The following ARHGEF12 variants were observed in gnomAD, a reference collection of about 807,000 sequenced individuals.
The protein encoded by ARHGEF12 is KMT2A/ARHGEF12 fusion protein.
A neutral mutation model predicts 211.2 loss-of-function variants in ARHGEF12; 66 were observed. The observed-to-expected ratio is 0.31, with a 90% confidence interval of 0.26 to 0.38. The LOEUF is 0.38. Among genes scored for constraint, ARHGEF12 ranks in the 10% least tolerant of loss-of-function variants. ARHGEF12 has a pLI of 1.00. For missense variants in ARHGEF12, 1,429 were observed against 1,869.5 expected, an observed-to-expected ratio of 0.76 and a Z score of 4.34; for synonymous variants, 592 against 638.4, an observed-to-expected ratio of 0.93 and a Z score of 1.09.
At chr11:120,375,550 C>CT (rs751429193) in intron 1 of ARHGEF12, among the ~76,000 whole-genome samples, 2,358 of 136,782 alleles carry the variant, frequency 0.017, 61 homozygotes, top group African/African-American at 0.051. Context: ...ATGGGGTGGC[C>CT]TTTTTTTTTT....
intron 1 of ARHGEF12, among the ~76,000 whole-genome samples, chr11:120,347,266 CTGTCTGTGTGTGTGTGTGTGTG>C (rs1942794972): frequency 7.5e-6 from 1 of 133,502 alleles, no homozygotes; most frequent in Non-Finnish European, 1.6e-5. Flanking sequence ...CTCTCTCTCT[CTGTCTGTGTGTGTGTGTGTGTG>C]TGTGTGTGTG....
At chr11:120,407,151 A>G (rs1379390087) in intron 2 of ARHGEF12, among the ~76,000 whole-genome samples, 1 of 152,198 alleles carries the variant, frequency 6.6e-6, no homozygotes, top group African/African-American at 2.4e-5. Flanking sequence ...TATTATTGTT[A>G]TGGTCTTGTC....
chr11:120,452,646 G>A (rs959548519), intron 22 of ARHGEF12, among the ~76,000 whole-genome samples: 2 of 152,184 alleles, frequency 1.3e-5, no homozygotes, highest in African/African-American at 2.4e-5. Flanking sequence ...GATATGAGGA[G>A]GAAGAGAATG....
intron 27 of ARHGEF12, among the ~76,000 whole-genome samples, chr11:120,461,000 G>T (rs1366604357): frequency 6.6e-6 from 1 of 152,176 alleles, no homozygotes; most frequent in Non-Finnish European, 1.5e-5. Flanking sequence ...CACACCTTCA[G>T]GCTCCACTGT....
chr11:120,456,858 T>C (rs1946378360), intron 22 of ARHGEF12, among the ~76,000 whole-genome samples: 1 of 152,070 alleles, frequency 6.6e-6, no homozygotes, highest in African/African-American at 2.4e-5. Context: ...GCCAGGTGTG[T>C]GTGGTGGCAC....
intron 25 of ARHGEF12, 171 bp from the exon 26 acceptor site, chr11:120,459,003 A>T: frequency 4.0e-6 from 2 of 495,936 alleles, no homozygotes; most frequent in East Asian, 7.3e-5. Flanking sequence ...CAGAGCCAGT[A>T]TGTAGGAAAA....
Position 120,393,691 on chromosome 11 carries a change from A to G in ARHGEF12, c.33-12427A>G, listed in dbSNP as rs76151135. Among the ~76,000 whole-genome samples, 26 of 152,342 alleles carry G rather than the reference A, an allele frequency of 1.7e-4. No individual in the cohort carries two copies. In the East Asian group the frequency reaches 4.8e-3, roughly 28 times the overall value. ...ATGTAACAAAAGCTGACATAACTGA[A>G]AGGACAAATAGACAAATCTACAAAC... On this transcript the variant is annotated intron_variant, in intron 1 of 40. Transcript: ENST00000397843.
chr11:120,337,149 G>C lies in ARHGEF12; in HGVS notation c.-95G>C. 1 of 1,460,878 alleles carries C rather than the reference G, an allele frequency of 6.8e-7. No individual in the cohort carries two copies. 90.5% of individuals were successfully genotyped at this position (1,460,878 alleles called of 1,614,324 possible). ...GAGTTGGACTTTTGTGTCCCTGACG[G>C]AGTTGGGCCTGATCCCAGAGCACTG... On this transcript the variant is annotated 5_prime_UTR_variant, in exon 1 of 41. Transcript: ENST00000397843.
At chr11:120,350,773 G>T (rs922446150) in intron 1 of ARHGEF12, among the ~76,000 whole-genome samples, 1 of 152,182 alleles carries the variant, frequency 6.6e-6, no homozygotes, top group African/African-American at 2.4e-5. Context: ...AACAGAGGAA[G>T]TAACATTTTA....
rs1312808392 is a variant in ARHGEF12 at position 120,338,037 on chromosome 11, T to C, written c.32+762T>C. 2.6e-5 allele frequency among the ~76,000 whole-genome samples: 4 copies of C among 152,222 alleles called. No individual in the cohort carries two copies. The East Asian group carries it at 7.7e-4, about 29-fold the overall frequency. ...CCTACCAGTGTTGCATGGTGGTGGG[T>C]GGCGAATTGAGCTAGACCATGTGTG... On this transcript the variant is annotated intron_variant, in intron 1 of 40. Transcript: ENST00000397843.
chr11:120,457,412 T>G (rs1000019660), intron 23 of ARHGEF12, 162 bp downstream of exon 23: 5 of 823,790 alleles, frequency 6.1e-6, no homozygotes, highest in African/African-American at 5.3e-5. Flanking sequence ...ATCAATCACT[T>G]AAACTCAGGA....
intron 8 of ARHGEF12, 29 bp downstream of exon 8, chr11:120,428,276 T>G: frequency 6.5e-7 from 1 of 1,542,356 alleles, no homozygotes; most frequent in Non-Finnish European, 8.8e-7. Context: ...CTTAGTTAAA[T>G]GCTCAGTCTT....
At chr11:120,351,502 T>C (rs12787285) in intron 1 of ARHGEF12, among the ~76,000 whole-genome samples, 47,445 of 109,228 alleles carry the variant, frequency 0.43, 11,581 homozygotes, top group African/African-American at 0.57. Context: ...CTCGCTCTGT[T>C]GCCCAGGCTG....
At chr11:120,447,727 A>C (rs1211360012) in intron 18 of ARHGEF12, 147 bp from the exon 19 acceptor site, 1 of 552,062 alleles carries the variant, frequency 1.8e-6, no homozygotes. Context: ...GAGGCACGAG[A>C]ATCACTTGCG....
At chr11:120,367,945 C>T (rs558922555) in intron 1 of ARHGEF12, among the ~76,000 whole-genome samples, 7 of 152,176 alleles carry the variant, frequency 4.6e-5, no homozygotes, top group Non-Finnish European at 7.4e-5. Flanking sequence ...CGTGCCACTG[C>T]ACCCCAGCCT....
intron 28 of ARHGEF12, 128 bp downstream of exon 28, chr11:120,465,490 AG>A: frequency 8.3e-7 from 1 of 1,205,182 alleles, no homozygotes; most frequent in Non-Finnish European, 1.1e-6. Context: ...TTTTTGAGAC[AG>A]GGTCTCGCTG....
chr11:120,416,531 C>T (rs1011015638), intron 4 of ARHGEF12, among the ~76,000 whole-genome samples: 1 of 152,184 alleles, frequency 6.6e-6, no homozygotes, highest in African/African-American at 2.4e-5. Flanking sequence ...CCAGCTGTCT[C>T]TCATCTTCTA....
intron 1 of ARHGEF12, among the ~76,000 whole-genome samples, chr11:120,351,445 ATATATATATATTTTTTTTT>A (rs1942960191): frequency 1.2e-3 from 5 of 4,010 alleles, no homozygotes; most frequent in African/African-American, 6.2e-3. Context: ...ATATATATAT[ATATATATATATTTTTTTTT>A]TTTTTTTTTT....
At chr11:120,470,433 G>A (rs1012002300) in intron 30 of ARHGEF12, among the ~76,000 whole-genome samples, 2 of 152,180 alleles carry the variant, frequency 1.3e-5, no homozygotes, top group African/African-American at 4.8e-5. Context: ...TATTTGGATG[G>A]ACAGGATGAG....
Sources: allele counts gnomAD v4.1 joint callset (sites outside exome capture counted in the v4.1 genomes callset), GRCh38; gene constraint gnomAD v4.1.1; transcripts MANE v1.5; gene names NCBI Gene and HGNC (gene_info 2026-07-23, HGNC 2026-07-21).